Variants in FREM3 observed in about 807,000 individuals in gnomAD.
The protein encoded by FREM3 is FRAS1 related extracellular matrix 3, also known as FRAS1-related extracellular matrix protein 3.
A neutral mutation model predicts 129.1 loss-of-function variants in FREM3; 105 were observed. The ratio of observed to expected loss-of-function variants is 0.81; its 90% CI spans 0.69 to 0.96. FREM3 has a LOEUF of 0.96. Ranked by LOEUF, FREM3 falls within the 40% of genes least tolerant of loss-of-function variation. FREM3 has a pLI of 0.00. For missense variants in FREM3, 2,593 were observed against 2,666.3 expected (o/e 0.97, Z 0.61); for synonymous variants, 1,014 against 1,044.9 (o/e 0.97, Z 0.57).
chr4:143,695,722 T>C lies in FREM3; in HGVS notation c.4954A>G (p.Ile1652Val), dbSNP rs1436492436. Residue 1652 changes from isoleucine (I) to valine (V), a missense_variant, in exon 1 of 8, where the codon ATA (isoleucine) becomes GTA (valine). By Grantham distance (29) the Ile-to-Val change is conservative (BLOSUM62 3). Around this residue, in one of 2 missense-constraint regions of FREM3, gnomAD observed 2,276 missense variants for 2,267.2 expected, o/e 1.00. Transcript: ENST00000329798. ...THKPQVMRVQ[I>V]RSLDNRLPQI... The stretch of plus-strand genomic sequence containing the variant: ...GGAAGCCTATTGTCTAATGATCTTA[T>C]CTGGACCCTCATTACTTGAGGTTTG... 6.5e-7 allele frequency: 1 copy of C among 1,537,264 alleles called. No homozygotes were observed. The highest frequency in any genetic ancestry group is 1.2e-5 in the South Asian group (1 of 84,058).
At chr4:143,613,551 G>A (rs1173579378) in intron 5 of FREM3, among the ~76,000 whole-genome samples, 3 of 152,186 alleles carry the variant, frequency 2.0e-5, no homozygotes, top group East Asian at 3.9e-4. Flanking sequence ...AAGATGAGAT[G>A]AAACACTGTC....
rs1307783674 is a variant in FREM3 at position 143,695,863 on chromosome 4, G to C, written c.4813C>G (p.Leu1605Val). ...CTGCCGTCATGCTTGTAGCTAATCA[G>C]GTTCTTGTTCAGGTCTTGCTTGGTG... ...TFTKQDLNKN[L>V]ISYKHDGSET... is the part of the protein sequence containing the mutation. Residue 1605 changes from leucine to valine, a missense_variant, in exon 1 of 8, where the codon CTG becomes GTG. Leu to Val is a conservative substitution (Grantham distance 32). Coordinates refer to ENST00000329798, the MANE Select transcript of FREM3 (RefSeq NM_001168235.2). 2.0e-6 allele frequency: 3 copies of C among 1,537,488 alleles called. No individual in the cohort carries two copies. The highest frequency in any genetic ancestry group is 4.9e-5 in the East Asian group (2 of 40,916).
intron 3 of FREM3, 125 bp downstream of exon 3, chr4:143,627,489 C>T: frequency 1.2e-6 from 1 of 867,460 alleles, no homozygotes; most frequent in South Asian, 1.7e-5. Flanking sequence ...TTCACAGACA[C>T]TTTTTTAGAG....
At chr4:143,630,103 A>C (rs1369142303) in intron 2 of FREM3, among the ~76,000 whole-genome samples, 3 of 152,154 alleles carry the variant, frequency 2.0e-5, no homozygotes, top group Non-Finnish European at 4.4e-5. Context: ...CTTATGAGCC[A>C]TTTGATCATG....
intron 2 of FREM3, among the ~76,000 whole-genome samples, chr4:143,680,140 TA>T (rs1740224173): frequency 6.6e-6 from 1 of 151,690 alleles, no homozygotes; most frequent in African/African-American, 2.4e-5. Context: ...GAAATATTAA[TA>T]AAAACAATTT....
chr4:143,622,756 A>G (rs1738974254), intron 4 of FREM3, among the ~76,000 whole-genome samples: 2 of 152,142 alleles, frequency 1.3e-5, no homozygotes, highest in South Asian at 4.1e-4. Flanking sequence ...CATGCCCTCT[A>G]TTTTTTCCAA....
chr4:143,620,788 A>G (rs920389844), intron 5 of FREM3, among the ~76,000 whole-genome samples: 9 of 152,238 alleles, frequency 5.9e-5, no homozygotes, highest in African/African-American at 2.2e-4. Context: ...TTCGTGGGGT[A>G]GTTAAAATAG....
chr4:143,591,257 T>G (rs1205422592), intron 6 of FREM3, among the ~76,000 whole-genome samples: 1 of 152,230 alleles, frequency 6.6e-6, no homozygotes, highest in Admixed American at 6.5e-5. Flanking sequence ...TGCTCTTATC[T>G]TAGTTATTTC....
intron 2 of FREM3, among the ~76,000 whole-genome samples, chr4:143,680,895 A>C (rs1740236907): frequency 6.6e-6 from 1 of 152,134 alleles, no homozygotes; most frequent in African/African-American, 2.4e-5. Context: ...ATCTCTTATT[A>C]ATTTATTTTC....
At chr4:143,686,889 A>G (rs1387651671) in intron 2 of FREM3, among the ~76,000 whole-genome samples, 1 of 152,146 alleles carries the variant, frequency 6.6e-6, no homozygotes, top group Non-Finnish European at 1.5e-5. Flanking sequence ...AGCACAGACA[A>G]TCTAAGGTCA....
At chr4:143,586,228 G>A (rs1258191521) in intron 6 of FREM3, among the ~76,000 whole-genome samples, 1 of 152,170 alleles carries the variant, frequency 6.6e-6, no homozygotes, top group Non-Finnish European at 1.5e-5. Flanking sequence ...AGTCAGTTGA[G>A]ATGCTATTCA....
At chr4:143,646,661 G>T (rs1484796504) in intron 2 of FREM3, among the ~76,000 whole-genome samples, 1 of 152,174 alleles carries the variant, frequency 6.6e-6, no homozygotes, top group Non-Finnish European at 1.5e-5. Context: ...AATTTCTTGA[G>T]GCCCTCCCAG....
chr4:143,680,149 T>TTTATTATCCA (rs979491186), intron 2 of FREM3, among the ~76,000 whole-genome samples: 9 of 151,904 alleles, frequency 5.9e-5, no homozygotes, highest in Admixed American at 5.3e-4. Flanking sequence ...ATAAAAACAA[T>TTTATTATCCA]TTATTATCCA....
rs79295010 is a variant in FREM3 at position 143,595,011 on chromosome 4, T to A, written c.6029-9018A>T. ...TTTAATCTCCTTTAAGAGAGAATGT[T>A]CTTTAAATGAAAATAGGAAAAATAA... On this transcript the variant is annotated intron_variant, in intron 6 of 7. Transcript: ENST00000329798. 3.1e-3 allele frequency among the ~76,000 whole-genome samples: 470 copies of A among 152,332 alleles called. 4 individuals are homozygous for A. The highest frequency in any genetic ancestry group is 0.011 in the African/African-American group (459 of 41,576).
At position 143,611,406 on chromosome 4, in the gene FREM3, C is replaced by G; in HGVS notation, c.5901G>C (p.Leu1967=). The G allele has an allele frequency of 1.3e-6, 2 of 1,537,166 alleles. No homozygotes were observed. Among genetic ancestry groups the G allele is most frequent in the Non-Finnish European group, 1.7e-6 (2 of 1,146,850 alleles). Residue 1967 remains leucine, a synonymous_variant, in exon 6 of 8, where the codon CTG becomes CTC. Transcript: ENST00000329798. ...CTTCATAAAGGGAGTCATCAATGAT[C>G]AGGACCTGGCAGGTCTTCTGTGTCT... ...KNETQKTCQV[L]IIDDSLYEEE...
intron 6 of FREM3, among the ~76,000 whole-genome samples, chr4:143,589,600 A>G (rs1738316983): frequency 6.6e-6 from 1 of 152,014 alleles, no homozygotes; most frequent in African/African-American, 2.4e-5. Context: ...ATTGGTCTAT[A>G]TCTCTGTTTT....
intron 6 of FREM3, among the ~76,000 whole-genome samples, chr4:143,594,423 G>A (rs1368668657): frequency 3.3e-5 from 5 of 152,268 alleles, no homozygotes; most frequent in Non-Finnish European, 7.4e-5. Context: ...TCAAGGTCAG[G>A]CACCATATTC....
intron 2 of FREM3, among the ~76,000 whole-genome samples, chr4:143,660,543 C>T (rs892888968): frequency 4.6e-5 from 7 of 152,124 alleles, no homozygotes; most frequent in African/African-American, 1.7e-4. Context: ...GTTCTTTTGG[C>T]TTAGGATTGA....
chr4:143,577,692 A>G lies in FREM3; in HGVS notation c.6339T>C (p.Leu2113=). Residue 2113 remains leucine (L), a synonymous_variant, in exon 8 of 8, where the codon CTT becomes CTC. Coordinates refer to ENST00000329798, the MANE Select transcript of FREM3 (RefSeq NM_001168235.2). ...AAATGGTAGTTTTATTTGGTTCTCC[A>G]AGCACTGCACCCATAGGCATCTGAA... ...LLLQMPMGAV[L]GEPNKTTIFI... 1 of 1,537,264 alleles carries G rather than the reference A, an allele frequency of 6.5e-7. No homozygotes were observed.
Sources: gnomAD v4.1 joint callset for allele counts (sites outside exome capture counted in the v4.1 genomes callset) on GRCh38, gnomAD v4.1.1 for gene constraint, gnomAD v4.1.1 regional missense constraint, MANE v1.5 for transcripts, NCBI Gene and HGNC (gene_info 2026-07-23, HGNC 2026-07-21) for gene names.